Variants in C10orf143 observed in about 807,000 individuals in gnomAD.
C10orf143 encodes the protein chromosome 10 open reading frame 143, also known as uncharacterized protein C10orf143.
At chr10:130,109,097 C>A (rs55721924) in intron 1 of C10orf143, among the ~76,000 whole-genome samples, 14,767 of 152,190 alleles carry the variant, frequency 0.097, 1,001 homozygotes, top group Non-Finnish European at 0.14. Flanking sequence ...TCTACACAGT[C>A]ACGTCTCTCT....
intron 3 of C10orf143, among the ~76,000 whole-genome samples, chr10:130,037,163 A>C (rs1268828930): frequency 6.6e-6 from 1 of 152,214 alleles, no homozygotes; most frequent in Non-Finnish European, 1.5e-5. Context: ...GACCAAGGGG[A>C]CAGGGCGATG....
At chr10:130,069,566 A>C (rs546170759) in intron 3 of C10orf143, among the ~76,000 whole-genome samples, 1 of 152,280 alleles carries the variant, frequency 6.6e-6, no homozygotes, top group African/African-American at 2.4e-5. Context: ...TATATTCAAC[A>C]ATCTTGCTGG....
intron 3 of C10orf143, among the ~76,000 whole-genome samples, chr10:130,047,526 C>CT (rs1860690544): frequency 6.6e-6 from 1 of 152,178 alleles, no homozygotes; most frequent in Non-Finnish European, 1.5e-5. Context: ...CCTGCAGCCG[C>CT]TTTCTCAAAT....
chr10:130,101,865 C>CAAA (rs1267433489), intron 1 of C10orf143, among the ~76,000 whole-genome samples: 1,034 of 47,696 alleles, frequency 0.022, 226 homozygotes, highest in African/African-American at 0.11. Flanking sequence ...AAAAAAAAAC[C>CAAA]AAAAAAAAAA....
At chr10:130,073,957 T>C (rs2134758233) in intron 3 of C10orf143, among the ~76,000 whole-genome samples, 1 of 152,264 alleles carries the variant, frequency 6.6e-6, no homozygotes, top group Non-Finnish European at 1.5e-5. Flanking sequence ...ACTCTTCCAT[T>C]CCCAGCTTAT....
chr10:130,107,464 T>C (rs761056088), intron 1 of C10orf143: 3 of 1,408,836 alleles, frequency 2.1e-6, no homozygotes, highest in Admixed American at 1.7e-5. Flanking sequence ...GAAACCTCAA[T>C]GATTTAAGGA....
intron 3 of C10orf143, among the ~76,000 whole-genome samples, chr10:130,048,201 C>T (rs141658735): frequency 1.1e-4 from 16 of 152,282 alleles, no homozygotes; most frequent in East Asian, 5.8e-4. Flanking sequence ...GGATATATGA[C>T]GGCTGTCTGG....
At chr10:130,057,056 ATT>A (rs11435950) in intron 3 of C10orf143, among the ~76,000 whole-genome samples, 76 of 133,530 alleles carry the variant, frequency 5.7e-4, no homozygotes, top group Non-Finnish European at 5.5e-4. Flanking sequence ...AGGCCCAGCT[ATT>A]TTTTTTTTTT....
chr10:130,087,381 T>C (rs1054069539), intron 1 of C10orf143, among the ~76,000 whole-genome samples: 1 of 152,158 alleles, frequency 6.6e-6, no homozygotes, highest in African/African-American at 2.4e-5. Context: ...AAGGACCCCA[T>C]TACATAACAA....
intron 1 of C10orf143, chr10:130,106,770 A>C: frequency 1.6e-6 from 2 of 1,241,770 alleles, no homozygotes; most frequent in Non-Finnish European, 2.4e-6. Flanking sequence ...CTTAATAAAC[A>C]GAAAATAACA....
rs138846285 is a variant in C10orf143 at position 130,074,096 on chromosome 10, G to A, written c.297+5470C>T. Among the ~76,000 whole-genome samples, 1,181 of 152,316 alleles carry A rather than the reference G, an allele frequency of 7.8e-3. 8 individuals carry two copies. The highest frequency in any genetic ancestry group is 0.011 in the Non-Finnish European group (763 of 68,036). On this transcript the variant is annotated intron_variant, in intron 3 of 3. Transcript: ENST00000637128. Reference sequence around the variant, plus strand: ...TCATAGGGTGTTCGAGCCTGACGCTGGGCCGCCAGTCTTGGGGAGTGATGC... The same window carrying A: ...TCATAGGGTGTTCGAGCCTGACGCTAGGCCGCCAGTCTTGGGGAGTGATGC...
intron 3 of C10orf143, among the ~76,000 whole-genome samples, chr10:130,040,586 C>T (rs1348220609): frequency 6.6e-6 from 1 of 152,198 alleles, no homozygotes; most frequent in Non-Finnish European, 1.5e-5. Context: ...TGGCTCACGC[C>T]TGGGGAGGCC....
intron 1 of C10orf143, among the ~76,000 whole-genome samples, chr10:130,101,870 A>C (rs922168737): frequency 5.1e-5 from 7 of 137,164 alleles, no homozygotes; most frequent in Non-Finnish European, 8.9e-5. Flanking sequence ...AAAACCAAAA[A>C]AAAAAAAAAA....
At chr10:130,096,938 T>A (rs1284140064) in intron 1 of C10orf143, among the ~76,000 whole-genome samples, 5 of 148,780 alleles carry the variant, frequency 3.4e-5, no homozygotes, top group Admixed American at 1.3e-4. Context: ...ATCCAGAAAA[T>A]ATATATATAT....
intron 3 of C10orf143, among the ~76,000 whole-genome samples, chr10:130,078,743 T>G (rs1233723646): frequency 6.6e-6 from 1 of 152,192 alleles, no homozygotes; most frequent in Non-Finnish European, 1.5e-5. Context: ...CACAGTAGCT[T>G]ACAGTATGTC....
rs1055718296 is a variant in C10orf143 at position 130,079,834 on chromosome 10, G to A, written c.137C>T (p.Ala46Val). The A allele has an allele frequency of 1.0e-5, 4 of 398,514 alleles. No homozygotes were observed. The highest frequency in any genetic ancestry group is 4.1e-5 in the African/African-American group (2 of 48,640). The allele number at this position is 398,514 out of a possible 1,614,324, so 24.7% of individuals were successfully genotyped here. ...ERGCHQVNAC[A>V]LASWGPEDRE... ...GTCCTCTGGGCCCCAGGACGCCAGG[G>A]CACAGGCATTCACCTGGTGGCAGCC... The change falls in exon 2 of 4, where the codon GCC (alanine) becomes GTC (valine). Residue 46 changes from alanine to valine, a missense_variant. Ala to Val is a moderately conservative substitution (Grantham distance 64). Coordinates refer to ENST00000637128, the MANE Select transcript of C10orf143 (RefSeq NM_001355042.2).
chr10:130,096,010 T>C (rs1010668662), intron 1 of C10orf143, among the ~76,000 whole-genome samples: 1 of 152,118 alleles, frequency 6.6e-6, no homozygotes, highest in Non-Finnish European at 1.5e-5. Flanking sequence ...ACAGGCAACC[T>C]ACAGAATGGG....
intron 3 of C10orf143, among the ~76,000 whole-genome samples, chr10:130,040,340 C>T (rs1860591944): frequency 1.3e-5 from 2 of 152,212 alleles, no homozygotes; most frequent in Admixed American, 1.3e-4. Context: ...CCCTAGCCTG[C>T]CGTGCAAGCG....
intron 1 of C10orf143, among the ~76,000 whole-genome samples, chr10:130,083,584 T>G (rs576988698): frequency 4.5e-4 from 68 of 152,204 alleles, no homozygotes; most frequent in Non-Finnish European, 1.0e-4. Context: ...AAGATTTCCA[T>G]GAACTGGTCT....
Sources: gnomAD v4.1 joint callset for allele counts (sites outside exome capture counted in the v4.1 genomes callset) on GRCh38, gnomAD v4.1.1 for gene constraint, MANE v1.5 for transcripts, NCBI Gene and HGNC (gene_info 2026-07-23, HGNC 2026-07-21) for gene names.